SYNE2: variants seen among roughly 807,000 people sequenced by gnomAD.
SYNE2 encodes nesprin-2.
In SYNE2, 431 loss-of-function variants were observed where a neutral mutation model predicts 856.3. The observed-to-expected ratio is 0.50, with a 90% confidence interval of 0.47 to 0.55. The LOEUF is 0.55. Among genes scored for constraint, SYNE2 ranks in the 20% least tolerant of loss-of-function variants. The pLI is 0.00. For missense variants in SYNE2, 8,129 were observed against 8,023.2 expected (o/e 1.01, Z -0.50); for synonymous variants, 2,923 against 2,872.3 (o/e 1.02, Z -0.56).
chr14:63,801,206 G>A (rs1265684762), intron 1 of SYNE2, among the ~76,000 whole-genome samples: 1 of 151,992 alleles, frequency 6.6e-6, no homozygotes, highest in Non-Finnish European at 1.5e-5. Flanking sequence ...GAGCAGAAAG[G>A]GTTTCTTAAT....
intron 51 of SYNE2, among the ~76,000 whole-genome samples, chr14:64,068,675 G>A (rs1310749582): frequency 6.6e-6 from 1 of 151,756 alleles, no homozygotes; most frequent in Non-Finnish European, 1.5e-5. Flanking sequence ...GCCTGGCCAA[G>A]ATGGTGAAAC....
chr14:64,223,341 G>T lies in SYNE2; in HGVS notation c.20343G>T (p.Glu6781Asp), dbSNP rs2098703387. Residue 6781 changes from glutamate to aspartate, a missense_variant, in exon 113 of 116, where the codon GAG becomes GAT. Transcript: ENST00000555002. ...VIEKKLKQLREQVSQDLMALQ... is the reference protein window; with the variant it reads ...VIEKKLKQLRDQVSQDLMALQ... ...AGAAGAAACTCAAACAGTTACGGGA[G>T]CAAGTGTCCCAAGATTTAATGGCCT... 6.2e-7 allele frequency: 1 copy of T among 1,614,164 alleles called. No homozygotes were observed. The highest frequency in any genetic ancestry group is 1.3e-5 in the African/African-American group (1 of 75,070).
chr14:64,026,641 G>C lies in SYNE2; in HGVS notation c.6315G>C (p.Glu2105Asp). 6.2e-7 allele frequency: 1 copy of C among 1,613,698 alleles called. No homozygotes were observed. Among genetic ancestry groups the C allele is most frequent in the South Asian group, 1.1e-5 (1 of 91,010 alleles). Residue 2105 changes from glutamate to aspartate, a missense_variant, in exon 42 of 116, where the codon GAG (glutamate) becomes GAC (aspartate). By Grantham distance (45) the Glu-to-Asp change is conservative. Coordinates refer to ENST00000555002, the MANE Select transcript of SYNE2 (RefSeq NM_182914.3). The stretch of plus-strand genomic sequence containing the variant: ...TAGAGACCATCATGAAGCAGGCTGA[G>C]AGCAGCGAGGCCCCGCTGGTTCAGA... Reference protein sequence around the residue: ...ARIETIMKQAESSEAPLVQKT... With the variant: ...ARIETIMKQADSSEAPLVQKT...
Position 63,939,887 on chromosome 14 carries a change from C to A in SYNE2, c.80-727C>A, listed in dbSNP as rs568455414. ...ACAGTTAATTCAGTGGCGATATATT[C>A]TCCATGATAAATGTTAAGACTAAAC... On this transcript the variant is annotated intron_variant, in intron 2 of 115. Transcript: ENST00000555002. Among the ~76,000 whole-genome samples the A allele has an allele frequency of 9.9e-5, 15 of 152,274 alleles. No individual in the cohort carries two copies. The South Asian group carries it at 3.1e-3, about 32-fold the overall frequency.
intron 94 of SYNE2, 64 bp downstream of exon 94, chr14:64,170,526 C>T: frequency 6.8e-7 from 1 of 1,472,902 alleles, no homozygotes; most frequent in Non-Finnish European, 9.3e-7. Context: ...GATGTTCATT[C>T]ACCTTTGGTT....
intron 1 of SYNE2, among the ~76,000 whole-genome samples, chr14:63,863,712 C>T (rs1894371323): frequency 6.6e-6 from 1 of 151,542 alleles, no homozygotes; most frequent in African/African-American, 2.4e-5. Context: ...GCTTTTAGTT[C>T]AAAAATTTGA....
intron 65 of SYNE2, 45 bp downstream of exon 65, chr14:64,107,652 T>G: frequency 6.9e-7 from 1 of 1,450,252 alleles, no homozygotes; most frequent in Non-Finnish European, 9.7e-7. Context: ...ATAGCTGGAC[T>G]AGCACCTAGA....
At chr14:64,147,084 A>G (rs1364434562) in intron 84 of SYNE2, among the ~76,000 whole-genome samples, 2 of 151,552 alleles carry the variant, frequency 1.3e-5, no homozygotes, top group Non-Finnish European at 2.9e-5. Flanking sequence ...CTGGAAGCCT[A>G]CATTCCGCAG....
chr14:64,142,202 G>T, intron 82 of SYNE2, 114 bp downstream of exon 82: 1 of 1,232,600 alleles, frequency 8.1e-7, no homozygotes, highest in Non-Finnish European at 1.2e-6. Flanking sequence ...AATTCTAGGG[G>T]TAGGAAACTG....
At chr14:64,145,176 C>T (rs2098171946) in intron 83 of SYNE2, among the ~76,000 whole-genome samples, 2 of 151,854 alleles carry the variant, frequency 1.3e-5, no homozygotes, top group Non-Finnish European at 2.9e-5. Context: ...ATACACCCAC[C>T]TCTGCCTCCC....
chr14:63,942,008 C>G (rs749910410), intron 5 of SYNE2, 43 bp from the exon 6 acceptor site: 1 of 1,598,228 alleles, frequency 6.3e-7, no homozygotes, highest in South Asian at 1.1e-5. Flanking sequence ...GATTAATGCT[C>G]TGGGATATTT....
chr14:63,941,018 A>G (rs937232613), intron 3 of SYNE2, among the ~76,000 whole-genome samples: 2 of 152,244 alleles, frequency 1.3e-5, no homozygotes, highest in African/African-American at 4.8e-5. Flanking sequence ...CTTTAAGTGT[A>G]ATGATTATGA....
chr14:64,049,796 C>T lies in SYNE2; in HGVS notation c.7563C>T (p.Val2521=), dbSNP rs760651832. ...LKKNKESQYC[V]LRDFQEYLAA... ...AAAACAAAGAAAGCCAATATTGTGT[C>T]CTCAGAGATTTTCAGGAATACCTTG... Residue 2521 remains valine, a synonymous_variant, in exon 47 of 116, where the codon GTC becomes GTT. Transcript: ENST00000555002. The T allele has an allele frequency of 6.2e-6, 10 of 1,613,982 alleles. No homozygotes were observed. The highest frequency in any genetic ancestry group is 1.6e-4 in the Middle Eastern group (1 of 6,084).
intron 19 of SYNE2, among the ~76,000 whole-genome samples, chr14:63,986,951 A>C (rs1386636237): frequency 6.6e-6 from 1 of 152,126 alleles, no homozygotes; most frequent in Non-Finnish European, 1.5e-5. Flanking sequence ...TGCAGAGTAC[A>C]CGTAAGAGAT....
chr14:63,812,109 G>A (rs981979274), intron 1 of SYNE2, among the ~76,000 whole-genome samples: 19 of 152,118 alleles, frequency 1.2e-4, no homozygotes, highest in African/African-American at 4.6e-4. Flanking sequence ...AAGCCTGAGG[G>A]TACTGCAGGA....
At position 64,100,514 on chromosome 14, in the gene SYNE2, C is replaced by CAAAAAAAA. The variant is rs35489245; in HGVS notation, c.12382-1407_12382-1400dup. The stretch of plus-strand genomic sequence containing the variant: ...CTGGGTGACAAGAGCAAAACTGTCT[C>CAAAAAAAA]AAAAAAAAAAAAAAAAAATATATAT... On this transcript the variant is annotated intron_variant, in intron 63 of 115. Coordinates refer to ENST00000555002, the MANE Select transcript of SYNE2 (RefSeq NM_182914.3). Among the ~76,000 whole-genome samples, 32 of 23,764 alleles carry CAAAAAAAA rather than the reference C, an allele frequency of 1.3e-3. 2 individuals carry two copies. Among genetic ancestry groups the CAAAAAAAA allele is most frequent in the Admixed American group, 4.2e-3 (6 of 1,432 alleles). 15.6% of individuals were successfully genotyped at this position (23,764 alleles called of 152,430 possible).
At chr14:63,817,728 T>G (rs573103305) in intron 1 of SYNE2, among the ~76,000 whole-genome samples, 8 of 152,168 alleles carry the variant, frequency 5.3e-5, no homozygotes, top group African/African-American at 1.9e-4. Flanking sequence ...ATTTCAGACC[T>G]AAAACAAATG....
intron 66 of SYNE2, 51 bp from the exon 67 acceptor site, chr14:64,119,376 A>T: frequency 6.2e-7 from 1 of 1,608,578 alleles, no homozygotes; most frequent in Non-Finnish European, 8.5e-7. Flanking sequence ...TGCAGGCACA[A>T]TACTTCTTCA....
chr14:63,995,200 G>T lies in SYNE2; in HGVS notation c.2938G>T (p.Glu980Ter). The change falls in exon 23 of 116, where the codon GAG (glutamate) becomes TAG (stop). Residue 980 changes from glutamate to a stop codon, truncating the protein, a stop_gained and splice_region_variant. Transcript: ENST00000555002. LOFTEE classifies it high-confidence loss of function. ...GACCAAGGGTCTCATCAAAGAACAT[G>T]AGGTACAATAAAGTGTTTCCACTTA... ...GRTKGLIKEH[E>*]ACFSEEGCLY... 6.2e-7 allele frequency: 1 copy of T among 1,605,404 alleles called. No individual in the cohort carries two copies. Among genetic ancestry groups the T allele is most frequent in the South Asian group, 1.1e-5 (1 of 90,444 alleles).
Sources: gnomAD v4.1 joint callset for allele counts (sites outside exome capture counted in the v4.1 genomes callset) on GRCh38, gnomAD v4.1.1 for gene constraint, MANE v1.5 for transcripts, NCBI Gene and HGNC (gene_info 2026-07-23, HGNC 2026-07-21) for gene names.